Variants in MPZL3 observed in about 807,000 individuals in gnomAD.
MPZL3 encodes myelin protein zero like 3, also known as myelin protein zero-like protein 3.
A neutral mutation model predicts 24.8 loss-of-function variants in MPZL3; 23 were observed. That is an observed-to-expected ratio of 0.93 (90% confidence interval 0.67 to 1.31). The LOEUF is 1.31. MPZL3 is among the 40% of genes most tolerant of loss of function. The pLI, the probability that MPZL3 is intolerant of heterozygous loss-of-function variation, is 0.00. For missense variants in MPZL3, 277 were observed against 294.9 expected (o/e 0.94, Z 0.44); for synonymous variants, 99 against 106.5 (o/e 0.93, Z 0.44).
Position 118,240,303 on chromosome 11 carries a change from A to G in MPZL3, c.148T>C (p.Leu50=). ...GAAGTTGACTTGAAAGTGCATTTCA[A>G]CTTGATCTTTTCTCCAACATAACCT... ...VRGYVGEKIK[L]KCTFKSTSDV... The change falls in exon 2 of 6, where the codon TTG becomes CTG. Residue 50 remains leucine, a synonymous_variant. Coordinates refer to ENST00000278949, the MANE Select transcript of MPZL3 (RefSeq NM_198275.3). 6.2e-7 allele frequency: 1 copy of G among 1,609,798 alleles called. No individual in the cohort carries two copies. The highest frequency in any genetic ancestry group is 8.5e-7 in the Non-Finnish European group (1 of 1,178,572).
chr11:118,245,529 C>T (rs1337644388), intron 1 of MPZL3, among the ~76,000 whole-genome samples: 2 of 152,132 alleles, frequency 1.3e-5, no homozygotes, highest in Non-Finnish European at 2.9e-5. Context: ...GACAGGAAGA[C>T]TAGAAAAGTA....
chr11:118,246,053 CACTG>C (rs940875225), intron 1 of MPZL3, among the ~76,000 whole-genome samples: 23 of 152,258 alleles, frequency 1.5e-4, no homozygotes, highest in African/African-American at 5.3e-4. Context: ...CCAACTCCAC[CACTG>C]ACTGTGTTAC....
intron 2 of MPZL3, among the ~76,000 whole-genome samples, chr11:118,239,436 C>T (rs1334909883): frequency 1.3e-5 from 2 of 152,152 alleles, no homozygotes; most frequent in Non-Finnish European, 2.9e-5. Context: ...ATTAACAATA[C>T]TTTAAAAAAT....
chr11:118,236,225 A>G (rs1949423854), intron 3 of MPZL3, among the ~76,000 whole-genome samples: 1 of 152,224 alleles, frequency 6.6e-6, no homozygotes, highest in African/African-American at 2.4e-5. Flanking sequence ...AGCAGTATGA[A>G]TGTGCTCATC....
intron 1 of MPZL3, among the ~76,000 whole-genome samples, chr11:118,241,610 C>T (rs922830192): frequency 1.3e-5 from 2 of 152,210 alleles, no homozygotes; most frequent in East Asian, 1.9e-4. Context: ...AGAGTAAGTG[C>T]TCAGTGCGTG....
At position 118,233,352 on chromosome 11, in the gene MPZL3, G is replaced by T. The variant is rs748613083; in HGVS notation, c.681+108C>A. On this transcript the variant is annotated intron_variant, in intron 5 of 5. Coordinates refer to ENST00000278949, the MANE Select transcript of MPZL3 (RefSeq NM_198275.3). ...AAGATGCTGGTTCATATCTTGCTTG[G>T]ACCTACCTGCATATCCTCTGCTGCC... 8 of 1,241,354 alleles carry T rather than the reference G, an allele frequency of 6.4e-6. No individual in the cohort carries two copies. In the Middle Eastern group the frequency reaches 9.9e-4, roughly 154 times the overall value. 76.9% of individuals were successfully genotyped at this position (1,241,354 alleles called of 1,614,324 possible). A position where few individuals can be genotyped will look rare whatever the true frequency, so the allele number is the denominator to read the frequency against.
chr11:118,237,885 C>G (rs562075918), intron 2 of MPZL3, among the ~76,000 whole-genome samples: 1 of 152,196 alleles, frequency 6.6e-6, no homozygotes, highest in East Asian at 1.9e-4. Flanking sequence ...GCCTGTAATC[C>G]CAGCACTTTG....
chr11:118,246,083 T>C (rs1949553495), intron 1 of MPZL3, among the ~76,000 whole-genome samples: 2 of 152,164 alleles, frequency 1.3e-5, no homozygotes, highest in Admixed American at 1.3e-4. Flanking sequence ...CACACACACA[T>C]ACTCACTCTA....
intron 5 of MPZL3, among the ~76,000 whole-genome samples, 187 bp downstream of exon 5, chr11:118,233,273 C>A (rs948949971): frequency 1.3e-5 from 2 of 152,080 alleles, no homozygotes; most frequent in African/African-American, 4.8e-5. Flanking sequence ...AGACAGGAAA[C>A]AAAATCTTGG....
At position 118,252,217 on chromosome 11, in the gene MPZL3, C is replaced by T; in HGVS notation, c.73+5G>A. Reference sequence around the variant, plus strand: ...AAGTGGAGCGTAGCCAGCCGGAGCACTCACCCTGGAAGAACAGGACGCCCA... The same window carrying T: ...AAGTGGAGCGTAGCCAGCCGGAGCATTCACCCTGGAAGAACAGGACGCCCA... On this transcript the variant is annotated splice_donor_5th_base_variant and intron_variant, in intron 1 of 5. Coordinates refer to ENST00000278949, the MANE Select transcript of MPZL3 (RefSeq NM_198275.3). 1 of 1,613,518 alleles carries T rather than the reference C, an allele frequency of 6.2e-7. No homozygotes were observed. The highest frequency in any genetic ancestry group is 8.5e-7 in the Non-Finnish European group (1 of 1,179,914).
intron 4 of MPZL3, among the ~76,000 whole-genome samples, 185 bp from the exon 5 acceptor site, chr11:118,233,708 T>C (rs1793160): frequency 0.091 from 13,793 of 152,154 alleles, 2,090 homozygotes; most frequent in African/African-American, 0.31. Context: ...AAAATGCACA[T>C]ATTGGCCAGG....
chr11:118,239,671 G>A (rs1404038183), intron 2 of MPZL3, among the ~76,000 whole-genome samples: 2 of 152,076 alleles, frequency 1.3e-5, no homozygotes, highest in Non-Finnish European at 2.9e-5. Context: ...ACCAACATCT[G>A]TCACCAACAC....
chr11:118,250,805 G>A lies in MPZL3; in HGVS notation c.73+1417C>T, dbSNP rs540931593. 8.6e-5 allele frequency among the ~76,000 whole-genome samples: 13 copies of A among 152,026 alleles called. No homozygotes were observed. In the South Asian group the frequency reaches 1.5e-3, roughly 17 times the overall value. On this transcript the variant is annotated intron_variant, in intron 1 of 5. Coordinates refer to ENST00000278949, the MANE Select transcript of MPZL3 (RefSeq NM_198275.3). ...TCACTATGTTGGTCAGCCTGGTCTC[G>A]AACTCCTGACCTCAGGTGATCCAGC...
intron 1 of MPZL3, among the ~76,000 whole-genome samples, chr11:118,243,948 A>G (rs1949528209): frequency 6.6e-6 from 1 of 152,190 alleles, no homozygotes; most frequent in South Asian, 2.1e-4. Context: ...CAAGTTTGTG[A>G]AAGAGTGGTC....
At chr11:118,232,190 G>A (rs1949361761) in intron 5 of MPZL3, among the ~76,000 whole-genome samples, 1 of 152,038 alleles carries the variant, frequency 6.6e-6, no homozygotes, top group Non-Finnish European at 1.5e-5. Flanking sequence ...CAGAGCCTTT[G>A]CACCAGTCAC....
chr11:118,249,920 G>T (rs2134719726), intron 1 of MPZL3, among the ~76,000 whole-genome samples: 1 of 152,166 alleles, frequency 6.6e-6, no homozygotes, highest in African/African-American at 2.4e-5. Context: ...ACAAATGGAT[G>T]AACCTTGAAA....
At chr11:118,249,767 A>G (rs1341596534) in intron 1 of MPZL3, among the ~76,000 whole-genome samples, 1 of 152,168 alleles carries the variant, frequency 6.6e-6, no homozygotes, top group East Asian at 1.9e-4. Flanking sequence ...AAATACTTAG[A>G]TAACTGATAT....
chr11:118,251,492 C>A (rs2134722254), intron 1 of MPZL3, among the ~76,000 whole-genome samples: 1 of 151,662 alleles, frequency 6.6e-6, no homozygotes, highest in East Asian at 1.9e-4. Flanking sequence ...AATAATTGTA[C>A]CTTAAGATGA....
chr11:118,229,457 C>G lies in MPZL3; in HGVS notation c.*437G>C, dbSNP rs1478852289. 2 of 164,782 alleles carry G rather than the reference C, an allele frequency of 1.2e-5. No individual in the cohort carries two copies. The highest frequency in any genetic ancestry group is 1.3e-5 in the Non-Finnish European group (1 of 75,832). 10.2% of individuals were successfully genotyped at this position (164,782 alleles called of 1,614,324 possible). On this transcript the variant is annotated 3_prime_UTR_variant, in exon 6 of 6. Coordinates refer to ENST00000278949, the MANE Select transcript of MPZL3 (RefSeq NM_198275.3). ...AAAAACAAAGAATACATATCCCAAGCGAATATTTTGTCTGGTGACACATCA... is the reference window on the plus strand; with the variant it reads ...AAAAACAAAGAATACATATCCCAAGGGAATATTTTGTCTGGTGACACATCA...
Sources: allele counts gnomAD v4.1 joint callset (sites outside exome capture counted in the v4.1 genomes callset), GRCh38; gene constraint gnomAD v4.1.1; transcripts MANE v1.5; gene names NCBI Gene and HGNC (gene_info 2026-07-23, HGNC 2026-07-21).